Variants in CHD6 observed in about 807,000 individuals in gnomAD.
CHD6 encodes the protein chromodomain helicase DNA binding protein 6.
Under a neutral mutation model 276.9 loss-of-function variants are expected in CHD6, and 50 were observed. That is an observed-to-expected ratio of 0.18 (90% CI 0.14 to 0.23). The LOEUF (loss-of-function observed/expected upper bound fraction) is 0.23, where lower values mean the gene tolerates loss of function less well. Ranked by LOEUF, CHD6 falls within the 10% of genes least tolerant of loss-of-function variation. CHD6 has a pLI of 1.00. For synonymous variants in CHD6, 1,173 were observed against 1,229.3 expected, an observed-to-expected ratio of 0.95 and a Z score of 0.96; for missense variants, 2,564 against 3,365.8, an observed-to-expected ratio of 0.76 and a Z score of 5.89.
intron 1 of CHD6, among the ~76,000 whole-genome samples, chr20:41,609,302 A>G (rs1050541847): frequency 1.3e-5 from 2 of 152,186 alleles, no homozygotes; most frequent in Non-Finnish European, 2.9e-5. Flanking sequence ...AACAAAATAC[A>G]TGCCCAGAGA....
Position 41,425,502 on chromosome 20 carries a change from A to G in CHD6, c.4130-108T>C. ...ACAAAGCTGACTCAATAATTTACTC[A>G]AAGTAGTTACTGTTTTAATAATTGG... On this transcript the variant is annotated intron_variant, in intron 28 of 36. Transcript: ENST00000373233. 7.1e-6 allele frequency: 8 copies of G among 1,133,864 alleles called. No individual in the cohort carries two copies. In the South Asian group the frequency reaches 1.0e-4, roughly 14 times the overall value. The allele number at this position is 1,133,864 out of a possible 1,614,324, so 70.2% of individuals were successfully genotyped here. A position where few individuals can be genotyped will look rare whatever the true frequency, so the allele number is the denominator to read the frequency against.
chr20:41,610,203 T>C (rs2045872137), intron 1 of CHD6, among the ~76,000 whole-genome samples: 1 of 152,178 alleles, frequency 6.6e-6, no homozygotes, highest in Non-Finnish European at 1.5e-5. Context: ...AATCACAACA[T>C]AATTTTCAAT....
Position 41,417,296 on chromosome 20 carries a change from T to C in CHD6, c.6181A>G (p.Thr2061Ala). 2 of 1,614,204 alleles carry C rather than the reference T, an allele frequency of 1.2e-6. No individual in the cohort carries two copies. Among genetic ancestry groups the C allele is most frequent in the Non-Finnish European group, 1.7e-6 (2 of 1,180,030 alleles). ...EESKSSTSGI[T>A]GDIGDELQEA... ...TGTAGCTCATCCCCAATGTCTCCTG[T>C]GATGCCCGATGTTGAGCTCTTGCTC... is the stretch of plus-strand genomic sequence containing the variant. The change falls in exon 32 of 37, where the codon ACA (threonine) becomes GCA (alanine). Residue 2061 changes from threonine (T) to alanine (A), a missense_variant. By Grantham distance (58) the Thr-to-Ala change is moderately conservative. Around this residue, in one of 7 missense-constraint regions of CHD6, gnomAD observed 1,024 missense variants for 1,047.9 expected, o/e 0.98. Coordinates refer to ENST00000373233, the MANE Select transcript of CHD6 (RefSeq NM_032221.5).
At chr20:41,553,756 G>T (rs557684604) in intron 1 of CHD6, among the ~76,000 whole-genome samples, 1 of 152,192 alleles carries the variant, frequency 6.6e-6, no homozygotes, top group Non-Finnish European at 1.5e-5. Flanking sequence ...TTTTGTCTCC[G>T]TGCTGACTTT....
intron 2 of CHD6, among the ~76,000 whole-genome samples, chr20:41,535,576 C>T (rs1321353147): frequency 6.6e-6 from 1 of 152,090 alleles, no homozygotes; most frequent in Non-Finnish European, 1.5e-5. Flanking sequence ...ATGTTAAATG[C>T]AGCCAGGCAT....
intron 2 of CHD6, among the ~76,000 whole-genome samples, chr20:41,543,938 G>A (rs2044992652): frequency 6.6e-6 from 1 of 152,120 alleles, no homozygotes; most frequent in African/African-American, 2.4e-5. Flanking sequence ...TCCCAAGGAT[G>A]AATCAAAGTT....
intron 1 of CHD6, among the ~76,000 whole-genome samples, chr20:41,562,266 A>G (rs987177792): frequency 1.3e-5 from 2 of 152,120 alleles, no homozygotes; most frequent in African/African-American, 4.8e-5. Flanking sequence ...TCCTAAACTC[A>G]TGTCAACTAA....
At chr20:41,504,403 C>A (rs201473235) in intron 5 of CHD6, among the ~76,000 whole-genome samples, 1 of 109,960 alleles carries the variant, frequency 9.1e-6, no homozygotes, top group African/African-American at 3.4e-5. Context: ...CCTCTATTTT[C>A]TTTTTTTTTT....
chr20:41,555,392 C>A (rs1268091041), intron 1 of CHD6, among the ~76,000 whole-genome samples: 3 of 146,342 alleles, frequency 2.0e-5, no homozygotes, highest in East Asian at 4.3e-4. Flanking sequence ...CCGGACGGGG[C>A]GGCTGGCCGG....
At chr20:41,605,091 G>A (rs1165493481) in intron 1 of CHD6, among the ~76,000 whole-genome samples, 1 of 152,154 alleles carries the variant, frequency 6.6e-6, no homozygotes, top group Non-Finnish European at 1.5e-5. Context: ...GTATTTATGG[G>A]TGAAGCATTA....
intron 17 of CHD6, among the ~76,000 whole-genome samples, chr20:41,469,918 T>G (rs2043015348): frequency 6.6e-6 from 1 of 152,272 alleles, no homozygotes; most frequent in African/African-American, 2.4e-5. Context: ...TGGATCCTAA[T>G]GAACCTGTGC....
intron 13 of CHD6, among the ~76,000 whole-genome samples, chr20:41,488,088 C>A (rs545185084): frequency 6.6e-6 from 1 of 152,244 alleles, no homozygotes; most frequent in African/African-American, 2.4e-5. Context: ...GGGCACTGTG[C>A]CAAGGCAGTA....
rs560363802 is a variant in CHD6, at chr20:41,568,003, T to C, written c.-23-16643A>G. ...AAATCCAAAATATTCTGAGAAAATATGTAAAGAGAAAAAAGAATAAAAGTA... is the reference window on the plus strand; with the variant it reads ...AAATCCAAAATATTCTGAGAAAATACGTAAAGAGAAAAAAGAATAAAAGTA... On this transcript the variant is annotated intron_variant, in intron 1 of 36. Transcript: ENST00000373233. Among the ~76,000 whole-genome samples, 38 of 152,186 alleles carry C rather than the reference T, an allele frequency of 2.5e-4. No homozygotes were observed. In the South Asian group the frequency reaches 7.9e-3, roughly 32 times the overall value.
At chr20:41,535,780 C>A (rs2044817671) in intron 2 of CHD6, among the ~76,000 whole-genome samples, 1 of 152,168 alleles carries the variant, frequency 6.6e-6, no homozygotes, top group African/African-American at 2.4e-5. Flanking sequence ...GCAGGAGGAT[C>A]ACTTGAGCCC....
intron 1 of CHD6, among the ~76,000 whole-genome samples, chr20:41,604,570 G>C (rs1265363674): frequency 2.6e-5 from 4 of 152,194 alleles, no homozygotes; most frequent in Non-Finnish European, 5.9e-5. Context: ...AACTAAGCAT[G>C]TGGGTGACTC....
Position 41,555,751 on chromosome 20 carries a change from G to C in CHD6, c.-23-4391C>G, listed in dbSNP as rs1283694730. ...GATGGGATGGCGGCCGGGCAGAGAC[G>C]CTCCTCACTTTCCAGACTGGGCAGC... On this transcript the variant is annotated intron_variant, in intron 1 of 36. Coordinates refer to ENST00000373233, the MANE Select transcript of CHD6 (RefSeq NM_032221.5). 4.0e-5 allele frequency among the ~76,000 whole-genome samples: 6 copies of C among 149,336 alleles called. No homozygotes were observed. In the South Asian group the frequency reaches 1.3e-3, roughly 32 times the overall value.
intron 3 of CHD6, among the ~76,000 whole-genome samples, chr20:41,525,793 T>C (rs2044517744): frequency 6.6e-6 from 1 of 152,230 alleles, no homozygotes; most frequent in African/African-American, 2.4e-5. Flanking sequence ...AGACCAGAAA[T>C]GACATACTCT....
chr20:41,565,969 A>C (rs1435731665), intron 1 of CHD6, among the ~76,000 whole-genome samples: 1 of 152,182 alleles, frequency 6.6e-6, no homozygotes, highest in African/African-American at 2.4e-5. Flanking sequence ...TACCATTAAG[A>C]GGGAAAAACA....
chr20:41,405,414 C>T lies in CHD6; in HGVS notation c.7327G>A (p.Gly2443Arg). The part of the protein sequence containing the change: ...ILRDTGPRRR[G>R]RRPRSELLKA... ...AGGAGTTCGCTCCGAGGCCGCCTCC[C>T]CCTCCTGCGGGGGCCCGTATCTCGA... The change falls in exon 37 of 37, where the codon GGG becomes AGG. Residue 2443 changes from glycine to arginine, a missense_variant. Coordinates refer to ENST00000373233, the MANE Select transcript of CHD6 (RefSeq NM_032221.5). 1 of 1,612,840 alleles carries T rather than the reference C, an allele frequency of 6.2e-7. No individual in the cohort carries two copies. The highest frequency in any genetic ancestry group is 8.5e-7 in the Non-Finnish European group (1 of 1,179,082).
Sources: allele counts gnomAD v4.1 joint callset (sites outside exome capture counted in the v4.1 genomes callset), GRCh38; gene constraint gnomAD v4.1.1; regional missense constraint gnomAD v4.1.1; transcripts MANE v1.5; gene names NCBI Gene and HGNC (gene_info 2026-07-23, HGNC 2026-07-21).